The following BCL2L13 variants were observed in gnomAD, a reference collection of about 807,000 sequenced individuals.
The protein encoded by BCL2L13 is bcl-2-like protein 13.
In BCL2L13, 13 loss-of-function variants were observed where a neutral mutation model predicts 25.8. That is an observed-to-expected ratio of 0.50 (90% confidence interval 0.33 to 0.80). The LOEUF (loss-of-function observed/expected upper bound fraction) is 0.80. Among genes scored for constraint, BCL2L13 ranks in the 30% least tolerant of loss-of-function variants. BCL2L13 has a pLI of 0.02. For missense variants in BCL2L13, 504 were observed against 574.9 expected, an observed-to-expected ratio of 0.88 and a Z score of 1.26; for synonymous variants, 244 against 230.3, an observed-to-expected ratio of 1.06 and a Z score of -0.54.
intron 2 of BCL2L13, among the ~76,000 whole-genome samples, chr22:17,679,637 GAA>G (rs2059676806): frequency 1.3e-5 from 2 of 151,524 alleles, no homozygotes; most frequent in South Asian, 4.2e-4. Flanking sequence ...CCTGAAAGTA[GAA>G]GAAAAAAAAA....
chr22:17,708,116 A>T (rs2060642956), intron 6 of BCL2L13, among the ~76,000 whole-genome samples: 1 of 152,086 alleles, frequency 6.6e-6, no homozygotes, highest in Non-Finnish European at 1.5e-5. Context: ...TTTATTTTAC[A>T]TTTATTTTGT....
chr22:17,675,514 A>T (rs2059552762), intron 2 of BCL2L13, among the ~76,000 whole-genome samples: 1 of 152,134 alleles, frequency 6.6e-6, no homozygotes, highest in Admixed American at 6.6e-5. Context: ...CCTGGTTGTT[A>T]TTTCTGTTTC....
chr22:17,631,680 A>G lies in BCL2L13; in HGVS notation c.-650+2675A>G, dbSNP rs1442495219. ...TGTATGTGTGTGTGTGTATATATATATATATATATATATATATATATATAT... is the reference window on the plus strand; with the variant it reads ...TGTATGTGTGTGTGTGTATATATATGTATATATATATATATATATATATAT... On this transcript the variant is annotated intron_variant, in intron 1 of 6. Coordinates refer to the BCL2L13 transcript ENST00000399782. 3.4e-3 allele frequency among the ~76,000 whole-genome samples: 70 copies of G among 20,318 alleles called. 3 individuals carry two copies. Among genetic ancestry groups the G allele is most frequent in the Admixed American group, 0.022 (26 of 1,168 alleles). 13.3% of individuals were successfully genotyped at this position (20,318 alleles called of 152,430 possible).
chr22:17,679,627 C>T (rs2059676307), intron 2 of BCL2L13, among the ~76,000 whole-genome samples: 1 of 151,578 alleles, frequency 6.6e-6, no homozygotes, highest in Non-Finnish European at 1.5e-5. Flanking sequence ...ACTGAAATCA[C>T]CTGAAAGTAG....
chr22:17,669,662 G>T (rs1004321123), intron 2 of BCL2L13, among the ~76,000 whole-genome samples: 117 of 152,240 alleles, frequency 7.7e-4, no homozygotes, highest in Admixed American at 3.5e-3. Flanking sequence ...GATTTGGAGG[G>T]TTTAAACAAA....
rs2061368254 is a variant in BCL2L13 at position 17,729,511 on chromosome 22, C to T, written c.*1977C>T. 1 of 152,120 alleles carries T rather than the reference C, an allele frequency of 6.6e-6. No individual in the cohort carries two copies. Among genetic ancestry groups the T allele is most frequent in the African/African-American group, 2.4e-5 (1 of 41,420 alleles). 9.4% of individuals were successfully genotyped at this position (152,120 alleles called of 1,614,324 possible). Reference sequence around the variant, plus strand: ...TCTTGATTTTTAAAAAGTAATAAATCCTATGAGTTCCAGTATTAACACTTG... The same window carrying T: ...TCTTGATTTTTAAAAAGTAATAAATTCTATGAGTTCCAGTATTAACACTTG... On this transcript the variant is annotated 3_prime_UTR_variant, in exon 7 of 7. Coordinates refer to ENST00000317582, the MANE Select transcript of BCL2L13 (RefSeq NM_015367.4).
At chr22:17,699,002 A>G (rs952195910) in intron 5 of BCL2L13, among the ~76,000 whole-genome samples, 11 of 152,138 alleles carry the variant, frequency 7.2e-5, no homozygotes, top group African/African-American at 2.6e-4. Context: ...TCTGGGTTTT[A>G]TTGACTATAT....
intron 6 of BCL2L13, 149 bp from the exon 7 acceptor site, chr22:17,726,528 A>G: frequency 1.1e-6 from 1 of 904,978 alleles, no homozygotes; most frequent in Non-Finnish European, 1.6e-6. Flanking sequence ...TGGCCTACAA[A>G]TACATGCATT....
intron 3 of BCL2L13, among the ~76,000 whole-genome samples, chr22:17,684,286 T>C (rs1245244516): frequency 1.3e-5 from 2 of 152,088 alleles, no homozygotes; most frequent in African/African-American, 4.8e-5. Context: ...CTGGGCAACA[T>C]AGGGAGACCA....
At chr22:17,664,834 G>T (rs1309704968) in intron 2 of BCL2L13, among the ~76,000 whole-genome samples, 1 of 152,214 alleles carries the variant, frequency 6.6e-6, no homozygotes, top group Admixed American at 6.6e-5. Flanking sequence ...GCCACGACTG[G>T]AGTGGCTGGG....
intron 1 of BCL2L13, among the ~76,000 whole-genome samples, chr22:17,644,299 T>C (rs1048498268): frequency 5.9e-5 from 9 of 151,286 alleles, no homozygotes; most frequent in Admixed American, 3.9e-4. Context: ...ATTATAGTTG[T>C]GTTCAACTCT....
chr22:17,689,682 A>C (rs971943801), intron 4 of BCL2L13, among the ~76,000 whole-genome samples: 1 of 151,880 alleles, frequency 6.6e-6, no homozygotes, highest in African/African-American at 2.4e-5. Flanking sequence ...GTCTCTACTA[A>C]AAATATAAAA....
chr22:17,727,434 C>T lies in BCL2L13; in HGVS notation c.1358C>T (p.Pro453Leu), dbSNP rs200014585. 7.2e-5 allele frequency: 117 copies of T among 1,614,098 alleles called. No homozygotes were observed. The highest frequency in any genetic ancestry group is 1.6e-4 in the African/African-American group (12 of 74,930). The change falls in exon 7 of 7, where the codon CCG becomes CTG. Residue 453 changes from proline to leucine, a missense_variant. By Grantham distance (98) the Pro-to-Leu change is moderately conservative. Transcript: ENST00000317582. ...CCCGCCGGTGAGATGAAGCCCATGC[C>T]GCTGTCTGAGGGCAAGTCTATACTG... ...LSPAGEMKPM[P>L]LSEGKSILLF... is the part of the protein sequence containing the mutation.
chr22:17,665,427 C>T (rs547753711), intron 2 of BCL2L13, among the ~76,000 whole-genome samples: 3 of 152,334 alleles, frequency 2.0e-5, no homozygotes, highest in African/African-American at 7.2e-5. Flanking sequence ...GCCTTCCACA[C>T]TGTTCCAACT....
At chr22:17,658,570 T>C (rs2146527617) in intron 2 of BCL2L13, among the ~76,000 whole-genome samples, 1 of 152,002 alleles carries the variant, frequency 6.6e-6, no homozygotes, top group South Asian at 2.1e-4. Context: ...GGCACACGCC[T>C]GTAATCCCAG....
At chr22:17,641,873 C>T (rs1258115965) in intron 1 of BCL2L13, among the ~76,000 whole-genome samples, 5 of 149,648 alleles carry the variant, frequency 3.3e-5, no homozygotes, top group Admixed American at 6.7e-5. Flanking sequence ...CATCTCGACT[C>T]ACTGCAAGCT....
intron 2 of BCL2L13, among the ~76,000 whole-genome samples, chr22:17,682,149 GAT>G (rs1438594109): frequency 5.9e-5 from 9 of 152,016 alleles, no homozygotes; most frequent in African/African-American, 2.2e-4. Flanking sequence ...TACTTGCAAA[GAT>G]ATATAATTAT....
chr22:17,695,058 C>T (rs1448361502), intron 4 of BCL2L13, among the ~76,000 whole-genome samples: 1 of 143,192 alleles, frequency 7.0e-6, no homozygotes, highest in Non-Finnish European at 1.5e-5. Context: ...TGCGAGGAAC[C>T]ACTTGGAACT....
At chr22:17,646,888 TTGTG>T (rs71201853) in intron 1 of BCL2L13, among the ~76,000 whole-genome samples, 15,123 of 89,608 alleles carry the variant, frequency 0.17, 1,472 homozygotes, top group African/African-American at 0.19. Context: ...CCCAGCTAAT[TTGTG>T]TGTGTGTGTG....
Sources: gnomAD v4.1 joint callset for allele counts (sites outside exome capture counted in the v4.1 genomes callset) on GRCh38, gnomAD v4.1.1 for gene constraint, MANE v1.5 for transcripts, NCBI Gene and HGNC (gene_info 2026-07-23, HGNC 2026-07-21) for gene names.